The following HLTF variants were observed in gnomAD, a reference collection of about 807,000 sequenced individuals.
The protein encoded by HLTF is DNA-dependent ATPase/E3 ubiquitin-protein ligase HLTF.
A neutral mutation model predicts 129.4 loss-of-function variants in HLTF; 127 were observed. The ratio of observed to expected loss-of-function variants is 0.98; its 90% CI spans 0.85 to 1.14. The LOEUF (loss-of-function observed/expected upper bound fraction) is 1.14. Ranked by LOEUF, HLTF falls within the 50% of genes most tolerant of loss-of-function variation. The probability of loss-of-function intolerance (pLI) is 0.00; values close to 1 mark genes in which losing one functional copy is unlikely to be tolerated. For missense variants in HLTF, 1,139 were observed against 1,187.1 expected (o/e 0.96, Z 0.60); for synonymous variants, 332 against 388.8 (o/e 0.85, Z 1.72).
At position 149,041,680 on chromosome 3, in the gene HLTF, G is replaced by C. The variant is rs1716145203; in HGVS notation, c.2198-12C>G. 1 of 1,582,632 alleles carries C rather than the reference G, an allele frequency of 6.3e-7. No homozygotes were observed. Among genetic ancestry groups the C allele is most frequent in the Non-Finnish European group, 8.7e-7 (1 of 1,155,752 alleles). On this transcript the variant is annotated splice_polypyrimidine_tract_variant and intron_variant, in intron 19 of 24. Coordinates refer to ENST00000310053, the MANE Select transcript of HLTF (RefSeq NM_003071.4). ...AGGTGTATCATTTCCTAGAGAAAAG[G>C]CTGAAAAATTAATTTCAGAGCAAGG...
At chr3:149,068,357 T>TA in intron 7 of HLTF, 22 bp from the exon 8 acceptor site, 1 of 1,169,728 alleles carries the variant, frequency 8.5e-7, no homozygotes, top group Non-Finnish European at 1.2e-6. Flanking sequence ...TTTAAAAAGA[T>TA]AAATGGTCAG....
chr3:149,034,866 A>C (rs189715732), intron 24 of HLTF, 52 bp downstream of exon 24: 37 of 1,202,098 alleles, frequency 3.1e-5, no homozygotes, highest in African/African-American at 2.8e-4. Flanking sequence ...TACTTGCTTA[A>C]TTGTAAAAAT....
rs769912386 is a variant in HLTF, at chr3:149,073,218, A to G, written c.627+7T>C. 1.9e-6 allele frequency: 3 copies of G among 1,562,724 alleles called. No homozygotes were observed. The highest frequency in any genetic ancestry group is 2.3e-5 in the East Asian group (1 of 44,064). ...CTTTTAGATTACAAAATAAAAGAGA[A>G]GCACACCTGTTCAGTTGTCATCTGT... On this transcript the variant is annotated splice_region_variant and intron_variant, in intron 5 of 24. Transcript: ENST00000310053.
At chr3:149,071,208 A>G in intron 7 of HLTF, 44 bp downstream of exon 7, 1 of 1,246,106 alleles carries the variant, frequency 8.0e-7, no homozygotes, top group Non-Finnish European at 1.1e-6. Flanking sequence ...AGAAAATCAT[A>G]ATCACAAAAT....
At chr3:149,072,590 A>G (rs1333459744) in intron 5 of HLTF, among the ~76,000 whole-genome samples, 1 of 152,252 alleles carries the variant, frequency 6.6e-6, no homozygotes, top group Non-Finnish European at 1.5e-5. Context: ...GCAGCTCAGA[A>G]GAAATCAGGC....
rs760012898 is a variant in HLTF, at chr3:149,035,048, G to GT, written c.2797-51dup. Reference sequence around the variant, plus strand: ...TTTACTACTGCCCTGATCTTTCAGTGTTTTGCATTTGTCCTTTCATTTCAC... The same window carrying GT: ...TTTACTACTGCCCTGATCTTTCAGTGTTTTTGCATTTGTCCTTTCATTTCAC... On this transcript the variant is annotated intron_variant, in intron 23 of 24. Coordinates refer to ENST00000310053, the MANE Select transcript of HLTF (RefSeq NM_003071.4). 18 of 1,317,638 alleles carry GT rather than the reference G, an allele frequency of 1.4e-5. No homozygotes were observed. The African/African-American group carries it at 2.5e-4, about 18-fold the overall frequency. 81.6% of individuals were successfully genotyped at this position (1,317,638 alleles called of 1,614,324 possible).
chr3:149,032,689 A>G (rs531706662), intron 24 of HLTF, among the ~76,000 whole-genome samples: 1 of 152,308 alleles, frequency 6.6e-6, no homozygotes, highest in East Asian at 1.9e-4. Flanking sequence ...CTGGCCGGGC[A>G]CGGTGGCTCA....
In HLTF at chr3:149,060,767, A is replaced by G. The variant is rs995677918; in HGVS notation, c.1240+12T>C. ...TAGGACACATTATCAAATCAAATCT[A>G]TTACATGTTACCTTTCATTTTCTGC... is the stretch of plus-strand genomic sequence containing the variant. On this transcript the variant is annotated intron_variant, in intron 11 of 24. Coordinates refer to ENST00000310053, the MANE Select transcript of HLTF (RefSeq NM_003071.4). 1.2e-6 allele frequency: 2 copies of G among 1,609,794 alleles called. No individual in the cohort carries two copies. Among genetic ancestry groups the G allele is most frequent in the Non-Finnish European group, 1.7e-6 (2 of 1,176,280 alleles).
intron 12 of HLTF, among the ~76,000 whole-genome samples, chr3:149,060,399 T>C (rs1355552267): frequency 6.6e-6 from 1 of 152,140 alleles, no homozygotes; most frequent in Non-Finnish European, 1.5e-5. Context: ...TAGTAGAAAA[T>C]TGTTTTAAGT....
chr3:149,065,059 G>T (rs925371389), intron 8 of HLTF, among the ~76,000 whole-genome samples, 193 bp from the exon 9 acceptor site: 1 of 149,858 alleles, frequency 6.7e-6, no homozygotes, highest in Admixed American at 6.6e-5. Context: ...TTTTTCACGG[G>T]TTATCTCAAA....
At chr3:149,048,477 A>C (rs1163903290) in intron 16 of HLTF, among the ~76,000 whole-genome samples, 1 of 152,198 alleles carries the variant, frequency 6.6e-6, no homozygotes, top group Admixed American at 6.5e-5. Flanking sequence ...AGCAGAAGGA[A>C]AAAGCAACTA....
chr3:149,046,755 G>T (rs919738097), intron 17 of HLTF, among the ~76,000 whole-genome samples: 11 of 152,032 alleles, frequency 7.2e-5, no homozygotes, highest in Non-Finnish European at 8.8e-5. Flanking sequence ...AAAATAAAAA[G>T]ATAATATGGT....
At chr3:149,063,211 G>A (rs945528628) in intron 10 of HLTF, 6 of 441,832 alleles carry the variant, frequency 1.4e-5, no homozygotes, top group African/African-American at 6.1e-5. Context: ...AGGCGCCCAC[G>A]ACCACGCCTG....
chr3:149,032,669 A>G (rs1175628101), intron 24 of HLTF, among the ~76,000 whole-genome samples: 2 of 152,232 alleles, frequency 1.3e-5, no homozygotes, highest in Non-Finnish European at 2.9e-5. Context: ...ATTGTATTAA[A>G]AAGGCCATTC....
intron 22 of HLTF, 81 bp downstream of exon 22, chr3:149,039,500 T>TA: frequency 1.4e-6 from 1 of 739,194 alleles, no homozygotes; most frequent in Non-Finnish European, 2.1e-6. Flanking sequence ...CAAAACAAAT[T>TA]AAGTTTTTTT....
At chr3:149,062,349 T>C (rs1409760138) in intron 10 of HLTF, among the ~76,000 whole-genome samples, 1 of 152,200 alleles carries the variant, frequency 6.6e-6, no homozygotes, top group East Asian at 1.9e-4. Context: ...GTTGTAACAT[T>C]TGTCATTTAT....
intron 19 of HLTF, 122 bp from the exon 20 acceptor site, chr3:149,041,790 G>C: frequency 1.5e-6 from 1 of 686,486 alleles, no homozygotes; most frequent in Non-Finnish European, 2.4e-6. Flanking sequence ...TCTGCCATAG[G>C]CAAAAAGCAT....
In HLTF at chr3:149,084,691, G is replaced by A. The variant is rs566709250; in HGVS notation, c.219C>T (p.Tyr73=). 6.2e-7 allele frequency: 1 copy of A among 1,602,320 alleles called. No individual in the cohort carries two copies. The highest frequency in any genetic ancestry group is 1.1e-5 in the South Asian group (1 of 90,796). The change falls in exon 2 of 25, where the codon TAC becomes TAT. Residue 73 remains tyrosine (Y), a synonymous_variant. Coordinates refer to ENST00000310053, the MANE Select transcript of HLTF (RefSeq NM_003071.4). The part of the protein sequence containing the change: ...LRGHVVGLRY[Y]TGVVNNNEMV... ...CTACTATTATACTCACTACTCCCGT[G>A]TAATAGCGTAGTCCAACCACATGAC...
chr3:149,085,424 G>A (rs1401742336), intron 1 of HLTF, among the ~76,000 whole-genome samples: 1 of 152,188 alleles, frequency 6.6e-6, no homozygotes, highest in Non-Finnish European at 1.5e-5. Flanking sequence ...GGGAGGCGTA[G>A]GTTGCAGCGA....
Sources: gnomAD v4.1 joint callset for allele counts (sites outside exome capture counted in the v4.1 genomes callset) on GRCh38, gnomAD v4.1.1 for gene constraint, MANE v1.5 for transcripts, NCBI Gene and HGNC (gene_info 2026-07-23, HGNC 2026-07-21) for gene names.